Variants in TRPM5 observed in about 807,000 individuals in gnomAD.
The protein encoded by TRPM5 is transient receptor potential cation channel subfamily M member 5.
TRPM5 carries 121 observed loss-of-function variants against 124.9 expected under a neutral mutation model. The ratio of observed to expected loss-of-function variants is 0.97; its 90% CI spans 0.84 to 1.13. The LOEUF is 1.13. Among genes scored for constraint, TRPM5 ranks in the 50% most tolerant of loss-of-function variants. The pLI, the probability that TRPM5 is intolerant of heterozygous loss-of-function variation, is 0.00. For synonymous variants in TRPM5, 781 were observed against 700.5 expected (o/e 1.11, Z -1.81); for missense variants, 1,643 against 1,589.1 (o/e 1.03, Z -0.58).
the TRPM5 span, among the ~76,000 whole-genome samples, chr11:2,443,454 C>T: frequency 6.6e-6 from 1 of 152,170 alleles, no homozygotes; most frequent in African/African-American, 2.4e-5. This position sits in a 1 kb window ranked among gnomAD's most constrained non-coding sequence, Gnocchi z 5.0. Context: ...TGATATGCTT[C>T]CCAGGAAGGT....
rs1293240286 is a variant in TRPM5, at chr11:2,417,712, C to A, written c.1009+15G>T. Reference sequence around the variant, plus strand: ...CCCCAATGGCGCCTGCCTTGCCCACCCTGCCCGCCCTCACCTTTCACCAGC... The same window carrying A: ...CCCCAATGGCGCCTGCCTTGCCCACACTGCCCGCCCTCACCTTTCACCAGC... On this transcript the variant is annotated intron_variant, in intron 7 of 23. Coordinates refer to ENST00000155858, the Ensembl canonical transcript of TRPM5. The A allele has an allele frequency of 6.9e-6, 10 of 1,443,376 alleles. 1 individual carries two copies. The highest frequency in any genetic ancestry group is 4.2e-5 in the African/African-American group (3 of 71,734). 89.4% of individuals were successfully genotyped at this position (1,443,376 alleles called of 1,614,324 possible).
At chr11:2,418,491 C>G (rs1845720554) in intron 5 of TRPM5, 36 bp downstream of exon 10, 1 of 1,594,554 alleles carries the variant, frequency 6.3e-7, no homozygotes, top group Non-Finnish European at 8.5e-7. Flanking sequence ...CTCCACAAGG[C>G]TTCGGCCAGC....
chr11:2,433,950 G>A, the TRPM5 span, among the ~76,000 whole-genome samples: 1 of 152,088 alleles, frequency 6.6e-6, no homozygotes, highest in Non-Finnish European at 1.5e-5. Context: ...GTGTGTGAGT[G>A]TATATGTGTG....
the TRPM5 span, among the ~76,000 whole-genome samples, chr11:2,435,371 C>A: frequency 6.6e-6 from 1 of 152,082 alleles, no homozygotes; most frequent in Non-Finnish European, 1.5e-5. The surrounding 1 kb of genome is among the most constrained non-coding windows in gnomAD (Gnocchi z 4.1). Flanking sequence ...CTCACTCACC[C>A]ACCCACTCAT....
At chr11:2,418,343 C>T (rs758782244) in exon 6 of TRPM5, 59 of 1,557,622 alleles carry the variant, frequency 3.8e-5, no homozygotes, top group Admixed American at 7.6e-5. Flanking sequence ...GCCTGCTCCA[C>T]GGCCCTGGAG....
rs1845714452 is a variant in TRPM5, at chr11:2,418,266, C to T, written c.807G>A (p.Gln269=). 2.5e-6 allele frequency: 4 copies of T among 1,582,692 alleles called. No individual in the cohort carries two copies. The Middle Eastern group carries it at 5.0e-4, about 197-fold the overall frequency. ...CCACCTTGGGCACCAGGAGGTGGGGCTGGTTCACTAGGGCAGCAAGCACAT... is the reference window on the plus strand; with the variant it reads ...CCACCTTGGGCACCAGGAGGTGGGGTTGGTTCACTAGGGCAGCAAGCACAT... Residue 269 remains glutamine (Q), a synonymous_variant, in exon 6 of 24, where the codon CAG becomes CAA. Transcript: ENST00000155858.
At chr11:2,410,732 G>A (rs1039884449) in intron 18 of TRPM5, 2 of 454,572 alleles carry the variant, frequency 4.4e-6, no homozygotes, top group African/African-American at 2.0e-5. Context: ...AGCTACAGGG[G>A]TCGGCCTGGG....
chr11:2,422,360 G>C, intron 1 of TRPM5, 39 bp from the exon 7 acceptor site: 1 of 1,576,360 alleles, frequency 6.3e-7, no homozygotes, highest in Non-Finnish European at 8.6e-7. Flanking sequence ...TTCGGGGCAC[G>C]GGGCATGGGA....
Position 2,412,746 on chromosome 11 carries a change from C to A in TRPM5, c.2355+8G>T. The A allele has an allele frequency of 6.3e-7, 1 of 1,583,690 alleles. No individual in the cohort carries two copies. Among genetic ancestry groups the A allele is most frequent in the Non-Finnish European group, 8.6e-7 (1 of 1,164,754 alleles). On this transcript the variant is annotated splice_region_variant and intron_variant, in intron 15 of 23. Coordinates refer to ENST00000155858, the Ensembl canonical transcript of TRPM5. ...GTGGAGGGGACCTAGGCTAGTGTGG[C>A]CACCGACCTGCCGGATTTCCTCCAG... is the stretch of plus-strand genomic sequence containing the variant.
rs985058923 is a variant in TRPM5, at chr11:2,414,058, C to A, written c.1890+3G>T. The A allele has an allele frequency of 6.4e-7, 1 of 1,553,716 alleles. No homozygotes were observed. Among genetic ancestry groups the A allele is most frequent in the Non-Finnish European group, 8.7e-7 (1 of 1,148,710 alleles). The stretch of plus-strand genomic sequence containing the variant: ...GCTCTCCTCGAGGACAGCTGGCACT[C>A]ACCTGAACGCCGTCGTGGGCAAAGA... On this transcript the variant is annotated splice_donor_region_variant and intron_variant, in intron 12 of 23. Transcript: ENST00000155858.
chr11:2,414,753 C>A (rs556609638), exon 11 of TRPM5: 1 of 1,547,736 alleles, frequency 6.5e-7, no homozygotes, highest in South Asian at 1.2e-5. Flanking sequence ...GCGCGTGGCT[C>A]GGGCCGCCTC....
chr11:2,435,429 C>A, the TRPM5 span, among the ~76,000 whole-genome samples: 1 of 152,082 alleles, frequency 6.6e-6, no homozygotes, highest in African/African-American at 2.4e-5. This position sits in a 1 kb window ranked among gnomAD's most constrained non-coding sequence, Gnocchi z 4.1. Context: ...TCACCACCCA[C>A]CCAGCCATCC....
chr11:2,424,575 C>T (rs141975861), upstream of TRPM5, among the ~76,000 whole-genome samples: 1,841 of 152,304 alleles, frequency 0.012, 17 homozygotes, highest in Non-Finnish European at 0.019. Context: ...GAGACAGACG[C>T]GCAGGGAAAA....
chr11:2,407,431 T>A, intron 19 of TRPM5, 131 bp from the exon 25 acceptor site: 1 of 923,614 alleles, frequency 1.1e-6, no homozygotes, highest in Non-Finnish European at 1.6e-6. Context: ...CTGCGTTGCC[T>A]CTGGGGTGTG....
chr11:2,404,712 CAG>C (rs890214538), exon 24 of TRPM5: 10 of 541,174 alleles, frequency 1.8e-5, no homozygotes, highest in Non-Finnish European at 3.0e-5. Flanking sequence ...TTGTGCCTGT[CAG>C]GGGAGACAGC....
At chr11:2,410,188 C>A (rs1401658445) in intron 18 of TRPM5, among the ~76,000 whole-genome samples, 1 of 152,180 alleles carries the variant, frequency 6.6e-6, no homozygotes, top group Non-Finnish European at 1.5e-5. Flanking sequence ...GGAGGGGCTG[C>A]GGGGGCTGAG....
chr11:2,442,320 G>A, the TRPM5 span, among the ~76,000 whole-genome samples: 2,539 of 151,272 alleles, frequency 0.017, 88 homozygotes, highest in African/African-American at 0.058. The surrounding 1 kb of genome is among the most constrained non-coding windows in gnomAD (Gnocchi z 5.9). Flanking sequence ...TTTTAAATCT[G>A]TATCACTTTT....
At chr11:2,422,439 G>A (rs1209157597) in intron 1 of TRPM5, 118 bp from the exon 7 acceptor site, 1 of 781,964 alleles carries the variant, frequency 1.3e-6, no homozygotes, top group Non-Finnish European at 2.0e-6. Context: ...GGGGGACACT[G>A]GGCACTGGGA....
upstream of TRPM5, among the ~76,000 whole-genome samples, chr11:2,426,980 G>A (rs1053019615): frequency 3.3e-5 from 5 of 152,204 alleles, no homozygotes; most frequent in Admixed American, 6.5e-5. Context: ...CTTCTGAGCC[G>A]CACCTGCCTT....
Sources: allele counts gnomAD v4.1 joint callset (sites outside exome capture counted in the v4.1 genomes callset), GRCh38; gene constraint gnomAD v4.1.1; non-coding constraint Gnocchi (gnomAD v3.1); transcripts MANE v1.5; gene names NCBI Gene and HGNC (gene_info 2026-07-23, HGNC 2026-07-21).